BACH2: variants seen among roughly 807,000 people sequenced by gnomAD.
BACH2 encodes BACH transcriptional regulator 2.
A neutral mutation model predicts 61.8 loss-of-function variants in BACH2; 5 were observed. The observed-to-expected ratio is 0.08, with a 90% CI of 0.04 to 0.17. The LOEUF (loss-of-function observed/expected upper bound fraction) is 0.17, where lower values mean the gene tolerates loss of function less well. Ranked by LOEUF, BACH2 falls within the 10% of genes least tolerant of loss-of-function variation. The pLI, the probability that BACH2 is intolerant of heterozygous loss-of-function variation, is 1.00. For synonymous variants in BACH2, 446 were observed against 440.1 expected, an observed-to-expected ratio of 1.01 and a Z score of -0.17; for missense variants, 824 against 1,091.1, an observed-to-expected ratio of 0.76 and a Z score of 3.45.
At chr6:90,250,886 T>C (rs1770786086) in intron 3 of BACH2, among the ~76,000 whole-genome samples, 1 of 152,166 alleles carries the variant, frequency 6.6e-6, no homozygotes, top group Non-Finnish European at 1.5e-5. Context: ...CAGAGCATCA[T>C]CTCATTTAAT....
chr6:90,040,008 T>C (rs1166288742), intron 5 of BACH2, among the ~76,000 whole-genome samples: 1 of 148,554 alleles, frequency 6.7e-6, no homozygotes, highest in East Asian at 2.1e-4. Flanking sequence ...GCAAAAATAT[T>C]TTTCCTTCTT....
At chr6:90,151,528 C>T (rs929122355) in intron 4 of BACH2, among the ~76,000 whole-genome samples, 13 of 152,160 alleles carry the variant, frequency 8.5e-5, no homozygotes, top group African/African-American at 1.4e-4. Flanking sequence ...TGGGATCAAA[C>T]GATGTTCCCA....
At chr6:90,245,206 A>G (rs1456910823) in intron 3 of BACH2, among the ~76,000 whole-genome samples, 1 of 152,130 alleles carries the variant, frequency 6.6e-6, no homozygotes, top group Non-Finnish European at 1.5e-5. Flanking sequence ...CTTAAAAAAA[A>G]AAAAAGGCTT....
At chr6:89,994,997 T>C (rs1776769005) in intron 6 of BACH2, among the ~76,000 whole-genome samples, 1 of 152,180 alleles carries the variant, frequency 6.6e-6, no homozygotes. Flanking sequence ...CCAACCACTT[T>C]TTCTGATCAT....
intron 1 of BACH2, among the ~76,000 whole-genome samples, chr6:90,294,406 T>TA (rs929832694): frequency 1.3e-5 from 2 of 151,778 alleles, no homozygotes; most frequent in African/African-American, 2.4e-5. Context: ...GTTTCGAGAG[T>TA]AAAAAAAACG....
At chr6:90,036,706 T>C (rs1779280398) in intron 5 of BACH2, among the ~76,000 whole-genome samples, 1 of 152,210 alleles carries the variant, frequency 6.6e-6, no homozygotes, top group African/African-American at 2.4e-5. Context: ...AAGATTAGTT[T>C]ATAGTTTTTT....
At chr6:90,141,373 G>A (rs929668533) in intron 4 of BACH2, among the ~76,000 whole-genome samples, 3 of 151,868 alleles carry the variant, frequency 2.0e-5, no homozygotes, top group African/African-American at 7.3e-5. Flanking sequence ...TAGAGACGGG[G>A]TTTCACCATG....
intron 1 of BACH2, among the ~76,000 whole-genome samples, chr6:90,293,689 T>C (rs890479686): frequency 6.6e-6 from 1 of 152,260 alleles, no homozygotes; most frequent in South Asian, 2.1e-4. Context: ...GTCTCATCTG[T>C]AATCTGAATC....
At chr6:90,167,572 G>A (rs1320001407) in intron 4 of BACH2, among the ~76,000 whole-genome samples, 1 of 152,018 alleles carries the variant, frequency 6.6e-6, no homozygotes, top group Non-Finnish European at 1.5e-5. Flanking sequence ...TGTCCAGGCT[G>A]GTCTCAAACA....
At chr6:90,163,627 T>C (rs915048271) in intron 4 of BACH2, among the ~76,000 whole-genome samples, 1 of 152,114 alleles carries the variant, frequency 6.6e-6, no homozygotes, top group Non-Finnish European at 1.5e-5. Context: ...ATATCTTCAT[T>C]GTAAAAAGAA....
Position 89,950,227 on chromosome 6 carries a change from C to T in BACH2, c.1836+43G>A. On this transcript the variant is annotated intron_variant, in intron 7 of 8. Coordinates refer to ENST00000257749, the MANE Select transcript of BACH2 (RefSeq NM_021813.4). This position sits in a 1 kb window ranked among gnomAD's most constrained non-coding sequence, Gnocchi z 5.3. ...GCAGGGAGTAGTCCAGATAAAGGGC[C>T]TAGAGAGTGGGTCACATGCTTGAAT... 1.2e-6 allele frequency: 2 copies of T among 1,611,038 alleles called. No individual in the cohort carries two copies.
intron 5 of BACH2, among the ~76,000 whole-genome samples, chr6:90,066,474 C>T (rs373027393): frequency 5.3e-5 from 8 of 152,064 alleles, no homozygotes; most frequent in South Asian, 2.1e-4. Flanking sequence ...TGGTGGCAGA[C>T]GGTAGGGTGG....
intron 2 of BACH2, among the ~76,000 whole-genome samples, chr6:90,254,229 A>G (rs1365399988): frequency 6.6e-6 from 1 of 151,874 alleles, no homozygotes; most frequent in East Asian, 1.9e-4. Context: ...AGAGTTGATG[A>G]ATAGAAATAA....
At chr6:90,124,139 T>C (rs917151840) in intron 4 of BACH2, among the ~76,000 whole-genome samples, 1 of 152,192 alleles carries the variant, frequency 6.6e-6, no homozygotes, top group African/African-American at 2.4e-5. Flanking sequence ...TCCTTAAAAA[T>C]GATGGGCCCA....
At chr6:89,972,682 G>T (rs1775432799) in intron 6 of BACH2, among the ~76,000 whole-genome samples, 1 of 152,118 alleles carries the variant, frequency 6.6e-6, no homozygotes, top group Non-Finnish European at 1.5e-5. Flanking sequence ...TCAGTCTGTT[G>T]TTTCAGTTTC....
At chr6:90,258,951 T>C (rs1242863800) in intron 2 of BACH2, among the ~76,000 whole-genome samples, 2 of 152,232 alleles carry the variant, frequency 1.3e-5, no homozygotes, top group African/African-American at 4.8e-5. Context: ...TCTAACAGTT[T>C]TTTTGTGTGG....
chr6:90,260,215 T>G (rs1298728896), intron 2 of BACH2, among the ~76,000 whole-genome samples: 1 of 152,210 alleles, frequency 6.6e-6, no homozygotes, highest in Non-Finnish European at 1.5e-5. Flanking sequence ...GAACTGCTTC[T>G]CCTATATCCC....
chr6:90,124,884 A>T (rs1467404903), intron 4 of BACH2, among the ~76,000 whole-genome samples: 1 of 152,196 alleles, frequency 6.6e-6, no homozygotes, highest in Non-Finnish European at 1.5e-5. Context: ...TTGCACACGA[A>T]TGCTTGTTCC....
chr6:90,060,190 T>TA (rs202132019), intron 5 of BACH2, among the ~76,000 whole-genome samples: 24 of 150,490 alleles, frequency 1.6e-4, no homozygotes, highest in East Asian at 9.7e-4. Flanking sequence ...ACTCTTCACT[T>TA]AAAAAAAAAG....
Sources: allele counts gnomAD v4.1 joint callset (sites outside exome capture counted in the v4.1 genomes callset), GRCh38; gene constraint gnomAD v4.1.1; non-coding constraint Gnocchi (gnomAD v3.1); transcripts MANE v1.5; gene names NCBI Gene and HGNC (gene_info 2026-07-23, HGNC 2026-07-21).